The following LHFPL3 variants were observed in gnomAD, a reference collection of about 807,000 sequenced individuals.
LHFPL3 encodes the protein LHFPL tetraspan subfamily member 3 protein.
A neutral mutation model predicts 19.3 loss-of-function variants in LHFPL3; 5 were observed. The observed-to-expected ratio is 0.26, with a 90% confidence interval of 0.14 to 0.54. The LOEUF is 0.54. Among genes scored for constraint, LHFPL3 ranks in the 20% least tolerant of loss-of-function variants. The probability of loss-of-function intolerance (pLI) is 0.94; values close to 1 mark genes in which losing one functional copy is unlikely to be tolerated. For synonymous variants in LHFPL3, 133 were observed against 126.2 expected (o/e 1.05, Z -0.36); for missense variants, 249 against 307.4 (o/e 0.81, Z 1.42).
chr7:104,649,577 A>G (rs900749113), intron 1 of LHFPL3, among the ~76,000 whole-genome samples: 1 of 152,236 alleles, frequency 6.6e-6, no homozygotes, highest in African/African-American at 2.4e-5. Context: ...AGACCAGCCC[A>G]GAGAGGTGGA....
At chr7:104,865,123 G>GA (rs1037912385) in intron 2 of LHFPL3, among the ~76,000 whole-genome samples, 6 of 152,066 alleles carry the variant, frequency 3.9e-5, no homozygotes. Context: ...CAAAGATGGG[G>GA]AAAAAACAGC....
intron 2 of LHFPL3, among the ~76,000 whole-genome samples, chr7:104,801,865 C>T (rs955055908): frequency 4.9e-4 from 75 of 152,126 alleles, no homozygotes; most frequent in African/African-American, 5.8e-4. Flanking sequence ...CCACCATGCC[C>T]GGCCAAGTTT....
chr7:104,750,723 G>A (rs1197940974), intron 2 of LHFPL3, among the ~76,000 whole-genome samples: 4 of 152,118 alleles, frequency 2.6e-5, no homozygotes, highest in Non-Finnish European at 5.9e-5. Flanking sequence ...GTTGTATTGT[G>A]GTAACTGGCT....
intron 2 of LHFPL3, among the ~76,000 whole-genome samples, chr7:104,835,961 A>C (rs1791086498): frequency 6.6e-6 from 1 of 151,928 alleles, no homozygotes; most frequent in African/African-American, 2.4e-5. Flanking sequence ...AATAAACGTA[A>C]AAGGCAAGAA....
chr7:104,648,003 C>T (rs576836544), intron 1 of LHFPL3, among the ~76,000 whole-genome samples: 4 of 152,282 alleles, frequency 2.6e-5, no homozygotes, highest in East Asian at 1.9e-4. Context: ...TGGATTAACT[C>T]GTATTTGCAG....
chr7:104,481,924 C>G (rs1439900093), intron 1 of LHFPL3, among the ~76,000 whole-genome samples: 2 of 152,160 alleles, frequency 1.3e-5, no homozygotes. Flanking sequence ...CTGTTGGTGC[C>G]TTGCTCACCT....
chr7:104,591,491 G>T (rs1323019725), intron 1 of LHFPL3, among the ~76,000 whole-genome samples: 1 of 152,198 alleles, frequency 6.6e-6, no homozygotes, highest in African/African-American at 2.4e-5. Context: ...TCTGCTGTTA[G>T]TCTGATGGGC....
At chr7:104,796,496 A>T (rs2116461183) in intron 2 of LHFPL3, 1 of 152,272 alleles carries the variant, frequency 6.6e-6, no homozygotes, top group East Asian at 1.9e-4. Flanking sequence ...AATGCATGTG[A>T]TAGTGGGAGT....
chr7:104,557,551 T>C (rs979665813), intron 1 of LHFPL3, among the ~76,000 whole-genome samples: 7 of 152,206 alleles, frequency 4.6e-5, no homozygotes, highest in Admixed American at 3.3e-4. Flanking sequence ...ATTGTGGGAG[T>C]TACAATTCAA....
intron 1 of LHFPL3, among the ~76,000 whole-genome samples, chr7:104,607,500 T>G (rs1040563236): frequency 6.6e-6 from 1 of 152,222 alleles, no homozygotes; most frequent in Non-Finnish European, 1.5e-5. Flanking sequence ...CAAAGCCCCT[T>G]GTTTAATATT....
At chr7:104,687,019 T>TC (rs1792819043) in intron 1 of LHFPL3, among the ~76,000 whole-genome samples, 1 of 152,070 alleles carries the variant, frequency 6.6e-6, no homozygotes, top group Non-Finnish European at 1.5e-5. Context: ...ACAAGGTCCC[T>TC]CCCCCAACAC....
At chr7:104,374,202 C>G (rs13226782) in intron 1 of LHFPL3, among the ~76,000 whole-genome samples, 6 of 49,378 alleles carry the variant, frequency 1.2e-4, no homozygotes, top group Admixed American at 3.2e-4. Flanking sequence ...ATCTATCTAT[C>G]TATATATGTG....
At chr7:104,723,155 G>A (rs909910448) in intron 1 of LHFPL3, among the ~76,000 whole-genome samples, 1 of 152,186 alleles carries the variant, frequency 6.6e-6, no homozygotes, top group African/African-American at 2.4e-5. Flanking sequence ...AAATGCCAGA[G>A]CAATTAGTGG....
intron 1 of LHFPL3, among the ~76,000 whole-genome samples, chr7:104,728,819 C>A (rs959887534): frequency 1.3e-5 from 2 of 152,080 alleles, no homozygotes; most frequent in African/African-American, 4.8e-5. Flanking sequence ...TCCCTAGCAC[C>A]AAGAACAGTG....
intron 2 of LHFPL3, among the ~76,000 whole-genome samples, chr7:104,740,519 C>A (rs1793913843): frequency 6.6e-6 from 1 of 152,166 alleles, no homozygotes; most frequent in South Asian, 2.1e-4. Flanking sequence ...AAAGACATAC[C>A]TGAGACTGGG....
intron 1 of LHFPL3, among the ~76,000 whole-genome samples, chr7:104,567,660 T>G (rs1790149436): frequency 6.6e-6 from 1 of 152,114 alleles, no homozygotes; most frequent in Admixed American, 6.6e-5. Flanking sequence ...CCATCCACAG[T>G]GAAGAAAATG....
chr7:104,385,501 C>T (rs971318691), intron 1 of LHFPL3, among the ~76,000 whole-genome samples: 14 of 152,158 alleles, frequency 9.2e-5, no homozygotes, highest in African/African-American at 3.1e-4. Context: ...CTGGATTTGG[C>T]ACCAGAGTAA....
intron 1 of LHFPL3, among the ~76,000 whole-genome samples, chr7:104,675,866 A>T (rs1015150169): frequency 6.6e-6 from 1 of 152,154 alleles, no homozygotes; most frequent in African/African-American, 2.4e-5. Context: ...GATATATTAC[A>T]TTTGAGTTGT....
At chr7:104,548,216 T>C (rs1403263498) in intron 1 of LHFPL3, among the ~76,000 whole-genome samples, 4 of 152,192 alleles carry the variant, frequency 2.6e-5, no homozygotes, top group Non-Finnish European at 5.9e-5. Context: ...TTCCTCTCTG[T>C]CTTGATTTCT....
Sources: gnomAD v4.1 joint callset for allele counts (sites outside exome capture counted in the v4.1 genomes callset) on GRCh38, gnomAD v4.1.1 for gene constraint, MANE v1.5 for transcripts, NCBI Gene and HGNC (gene_info 2026-07-23, HGNC 2026-07-21) for gene names.